Variants in CDH12 observed in about 807,000 individuals in gnomAD.
CDH12 encodes cadherin 12, also known as cadherin-12.
Under a neutral mutation model 74.1 loss-of-function variants are expected in CDH12, and 41 were observed. The ratio of observed to expected loss-of-function variants is 0.55; its 90% CI spans 0.43 to 0.72. The LOEUF (loss-of-function observed/expected upper bound fraction) is 0.72. CDH12 is among the 30% of genes least tolerant of loss of function. The pLI is 0.00. For missense variants in CDH12, 945 were observed against 977.2 expected, an observed-to-expected ratio of 0.97 and a Z score of 0.44; for synonymous variants, 399 against 355.0, an observed-to-expected ratio of 1.12 and a Z score of -1.39.
chr5:21,880,408 G>A (rs1379143473), intron 6 of CDH12, among the ~76,000 whole-genome samples: 1 of 152,128 alleles, frequency 6.6e-6, no homozygotes, highest in Non-Finnish European at 1.5e-5. Context: ...GATCATCCCA[G>A]CACTGGGGTG....
chr5:22,603,746 A>T (rs982235404), intron 1 of CDH12, among the ~76,000 whole-genome samples: 9 of 152,074 alleles, frequency 5.9e-5, no homozygotes, highest in Admixed American at 1.3e-4. Context: ...AGATTGGGGG[A>T]GTTATAGGTA....
At chr5:22,095,689 A>C (rs1001479864) in intron 4 of CDH12, among the ~76,000 whole-genome samples, 2 of 146,166 alleles carry the variant, frequency 1.4e-5, no homozygotes, top group African/African-American at 5.2e-5. Context: ...CCGTGTCTCT[A>C]CCCCTTCTCT....
At chr5:22,718,274 T>C (rs1324603330) in intron 1 of CDH12, among the ~76,000 whole-genome samples, 1 of 152,200 alleles carries the variant, frequency 6.6e-6, no homozygotes, top group African/African-American at 2.4e-5. Flanking sequence ...TGAAAAATCA[T>C]ACTACTCTTT....
intron 1 of CDH12, among the ~76,000 whole-genome samples, chr5:22,661,693 A>C (rs1178039745): frequency 2.0e-5 from 3 of 152,062 alleles, no homozygotes; most frequent in Admixed American, 1.3e-4. Context: ...AATTTCAGAA[A>C]TCATGTAACA....
At chr5:22,160,902 C>A (rs1206722562) in intron 4 of CDH12, among the ~76,000 whole-genome samples, 2 of 152,138 alleles carry the variant, frequency 1.3e-5, no homozygotes, top group Non-Finnish European at 2.9e-5. Flanking sequence ...ACATTTAGAT[C>A]ATGGCAATAT....
intron 4 of CDH12, among the ~76,000 whole-genome samples, chr5:22,156,375 T>G (rs1048153763): frequency 6.6e-6 from 1 of 152,158 alleles, no homozygotes; most frequent in African/African-American, 2.4e-5. Flanking sequence ...TTCTCAAAAT[T>G]TAATGAGCAT....
chr5:22,735,746 T>G (rs927817186), intron 1 of CDH12, among the ~76,000 whole-genome samples: 1 of 151,910 alleles, frequency 6.6e-6, no homozygotes, highest in African/African-American at 2.4e-5. Flanking sequence ...ACATCCATGA[T>G]TGAAAATTGT....
At chr5:22,281,189 A>C (rs1205780997) in intron 3 of CDH12, among the ~76,000 whole-genome samples, 1 of 152,012 alleles carries the variant, frequency 6.6e-6, no homozygotes, top group African/African-American at 2.4e-5. Flanking sequence ...CATGCTAAAA[A>C]CTCTCAATAA....
intron 1 of CDH12, among the ~76,000 whole-genome samples, chr5:22,783,825 C>A (rs776181532): frequency 3.9e-5 from 6 of 152,006 alleles, no homozygotes; most frequent in Admixed American, 2.0e-4. Flanking sequence ...GGGCTCAAAG[C>A]GTCATGGGAG....
chr5:21,944,284 T>C (rs757376327), intron 6 of CDH12, among the ~76,000 whole-genome samples: 1 of 152,176 alleles, frequency 6.6e-6, no homozygotes, highest in African/African-American at 2.4e-5. Flanking sequence ...AAAGAAAATG[T>C]GAACCCCGAG....
intron 3 of CDH12, among the ~76,000 whole-genome samples, chr5:22,276,174 G>T (rs1158352484): frequency 1.3e-5 from 2 of 152,092 alleles, no homozygotes; most frequent in Non-Finnish European, 2.9e-5. Flanking sequence ...ATTTCAAAAA[G>T]TATTCATTGT....
chr5:22,518,747 T>A (rs1580727065), intron 1 of CDH12, among the ~76,000 whole-genome samples: 2 of 152,226 alleles, frequency 1.3e-5, no homozygotes. Context: ...GACAATGGCA[T>A]GGGGCAAAAA....
chr5:22,484,424 C>G (rs1746505384), intron 2 of CDH12, among the ~76,000 whole-genome samples: 1 of 152,074 alleles, frequency 6.6e-6, no homozygotes, highest in African/African-American at 2.4e-5. Flanking sequence ...ACTCTGTCTC[C>G]CAACTCTACT....
chr5:22,823,783 G>T (rs1471392306), intron 1 of CDH12, among the ~76,000 whole-genome samples: 1 of 151,852 alleles, frequency 6.6e-6, no homozygotes, highest in East Asian at 1.9e-4. Context: ...AGGGCTTTTT[G>T]CTCTCTCTTT....
chr5:22,696,857 G>A (rs1403178882), intron 1 of CDH12, among the ~76,000 whole-genome samples: 1 of 151,928 alleles, frequency 6.6e-6, no homozygotes, highest in African/African-American at 2.4e-5. Flanking sequence ...GGGATGCCTG[G>A]AATTCCATTT....
chr5:22,796,306 C>A (rs143699439), intron 1 of CDH12, among the ~76,000 whole-genome samples: 286 of 152,208 alleles, frequency 1.9e-3, no homozygotes, highest in African/African-American at 6.7e-3. Flanking sequence ...TACATTCCCA[C>A]CAACAGTGCA....
intron 3 of CDH12, among the ~76,000 whole-genome samples, chr5:22,249,580 C>T (rs1300394343): frequency 6.6e-6 from 1 of 152,136 alleles, no homozygotes; most frequent in Non-Finnish European, 1.5e-5. Context: ...AAAATGCTGG[C>T]ACAGTGCCGC....
chr5:21,988,694 C>T (rs1245277190), intron 5 of CDH12, among the ~76,000 whole-genome samples: 2 of 151,898 alleles, frequency 1.3e-5, no homozygotes, highest in Non-Finnish European at 2.9e-5. Context: ...GACATTGAGG[C>T]AAGCCATGAG....
intron 1 of CDH12, among the ~76,000 whole-genome samples, chr5:22,823,193 T>G (rs1325113770): frequency 8.1e-6 from 1 of 122,784 alleles, no homozygotes; most frequent in Non-Finnish European, 1.6e-5. Context: ...TGAGAACACT[T>G]GGACACAGGA....
Sources: gnomAD v4.1 joint callset for allele counts (sites outside exome capture counted in the v4.1 genomes callset) on GRCh38, gnomAD v4.1.1 for gene constraint, MANE v1.5 for transcripts, NCBI Gene and HGNC (gene_info 2026-07-23, HGNC 2026-07-21) for gene names.